Variants in GRIN3A observed in about 807,000 individuals in gnomAD.
GRIN3A encodes the protein glutamate ionotropic receptor NMDA type subunit 3A.
Under a neutral mutation model 92.4 loss-of-function variants are expected in GRIN3A, and 47 were observed. The ratio of observed to expected loss-of-function variants is 0.51; its 90% confidence interval spans 0.40 to 0.65. The LOEUF (loss-of-function observed/expected upper bound fraction) is 0.65, where lower values mean the gene tolerates loss of function less well. Ranked by LOEUF, GRIN3A falls within the 30% of genes least tolerant of loss-of-function variation. The probability of loss-of-function intolerance (pLI) is 0.00; values close to 1 mark genes in which losing one functional copy is unlikely to be tolerated. For missense variants in GRIN3A, 1,324 were observed against 1,393.1 expected, an observed-to-expected ratio of 0.95 and a Z score of 0.79; for synonymous variants, 527 against 540.6, an observed-to-expected ratio of 0.97 and a Z score of 0.35.
At chr9:101,708,094 A>T (rs1363005469) in intron 1 of GRIN3A, among the ~76,000 whole-genome samples, 5 of 152,208 alleles carry the variant, frequency 3.3e-5, no homozygotes, top group African/African-American at 1.2e-4. Context: ...GAATGAGAAC[A>T]ATGCTACAAT....
At chr9:101,655,765 GA>G (rs1167985650) in intron 3 of GRIN3A, among the ~76,000 whole-genome samples, 1 of 151,964 alleles carries the variant, frequency 6.6e-6, no homozygotes, top group Non-Finnish European at 1.5e-5. Context: ...GGGAGGCAAT[GA>G]AGGACTTTAC....
At chr9:101,641,931 A>T (rs1288752783) in intron 3 of GRIN3A, among the ~76,000 whole-genome samples, 1 of 152,194 alleles carries the variant, frequency 6.6e-6, no homozygotes, top group Non-Finnish European at 1.5e-5. Flanking sequence ...TGATTGTTTG[A>T]TAATCATCAT....
At chr9:101,734,736 G>T (rs967712912) in intron 1 of GRIN3A, among the ~76,000 whole-genome samples, 4 of 151,840 alleles carry the variant, frequency 2.6e-5, no homozygotes, top group Admixed American at 2.6e-4. Flanking sequence ...TAAAGTGAGA[G>T]AAAACAGCTG....
At position 101,571,609 on chromosome 9, in the gene GRIN3A, C is replaced by T. The variant is rs1218859583; in HGVS notation, c.*1565G>A. The T allele has an allele frequency of 6.6e-6, 1 of 152,190 alleles. No individual in the cohort carries two copies. The highest frequency in any genetic ancestry group is 2.4e-5 in the African/African-American group (1 of 41,420). 9.4% of individuals were successfully genotyped at this position (152,190 alleles called of 1,614,324 possible). On this transcript the variant is annotated 3_prime_UTR_variant, in exon 9 of 9. Coordinates refer to ENST00000361820, the MANE Select transcript of GRIN3A (RefSeq NM_133445.3). ...GGGGGTGAGGATGTTGAAGGAGAGT[C>T]AGCAGATGTGTGCTAAAATTATTAA...
intron 2 of GRIN3A, 149 bp downstream of exon 2, chr9:101,686,447 T>C: frequency 1.1e-6 from 1 of 891,306 alleles, no homozygotes. Flanking sequence ...CATGAAATAC[T>C]AGCCTATATA....
chr9:101,683,486 G>C (rs926142301), intron 2 of GRIN3A, among the ~76,000 whole-genome samples: 1 of 152,126 alleles, frequency 6.6e-6, no homozygotes, highest in African/African-American at 2.4e-5. Context: ...AAGGATGATG[G>C]AAAATCCACA....
intron 3 of GRIN3A, among the ~76,000 whole-genome samples, chr9:101,637,328 C>T (rs1240264264): frequency 6.6e-6 from 1 of 152,132 alleles, no homozygotes; most frequent in Non-Finnish European, 1.5e-5. Context: ...CTCCTGACCT[C>T]GTGATCCACC....
intron 6 of GRIN3A, chr9:101,591,719 G>A (rs1828029079): frequency 6.6e-6 from 1 of 152,140 alleles, no homozygotes; most frequent in Non-Finnish European, 1.5e-5. Context: ...TTCCGATTTG[G>A]GAATAAATGT....
At chr9:101,597,780 T>C (rs1416061337) in intron 6 of GRIN3A, among the ~76,000 whole-genome samples, 1 of 152,224 alleles carries the variant, frequency 6.6e-6, no homozygotes, top group Non-Finnish European at 1.5e-5. Flanking sequence ...GTTTATAAAG[T>C]TGTAAAAAGT....
intron 3 of GRIN3A, among the ~76,000 whole-genome samples, chr9:101,665,344 C>G (rs180743781): frequency 6.6e-6 from 1 of 151,578 alleles, no homozygotes; most frequent in African/African-American, 2.4e-5. Context: ...CTCAAGATAA[C>G]CAAAGAAGAG....
At position 101,623,351 on chromosome 9, in the gene GRIN3A, G is replaced by C; in HGVS notation, c.2581C>G (p.Leu861Val). 1.2e-6 allele frequency: 2 copies of C among 1,613,394 alleles called. No individual in the cohort carries two copies. The highest frequency in any genetic ancestry group is 1.7e-6 in the Non-Finnish European group (2 of 1,179,300). The change falls in exon 5 of 9, where the codon CTT becomes GTT. Residue 861 changes from leucine to valine, a missense_variant. Coordinates refer to ENST00000361820, the MANE Select transcript of GRIN3A (RefSeq NM_133445.3). ...GCAAATGGCTTCCCCACAGTGAGAA[G>C]TTTGCAGTCAGCATCTATTGACACT... ...YEVSIDADCK[L>V]LTVGKPFAIE...
intron 5 of GRIN3A, among the ~76,000 whole-genome samples, chr9:101,615,986 G>A (rs919063535): frequency 6.6e-6 from 1 of 152,136 alleles, no homozygotes; most frequent in African/African-American, 2.4e-5. Context: ...CAGTTGTAAT[G>A]AAATAATAAT....
intron 2 of GRIN3A, among the ~76,000 whole-genome samples, chr9:101,683,002 A>G (rs1408018787): frequency 2.6e-5 from 4 of 152,198 alleles, no homozygotes; most frequent in Non-Finnish European, 4.4e-5. Flanking sequence ...ACAAAACAAA[A>G]CAAAACTTGT....
rs568166157 is a variant in GRIN3A, at chr9:101,630,845, T to C, written c.2353-2444A>G. ...CTGTAACTTGCAGACCAACTTTCAT[T>C]TGTTTGTGTAATACAGTTACCTATC... On this transcript the variant is annotated intron_variant, in intron 3 of 8. Coordinates refer to ENST00000361820, the MANE Select transcript of GRIN3A (RefSeq NM_133445.3). Among the ~76,000 whole-genome samples, 14 of 152,334 alleles carry C rather than the reference T, an allele frequency of 9.2e-5. No homozygotes were observed. In the South Asian group the frequency reaches 2.9e-3, roughly 32 times the overall value.
In GRIN3A at chr9:101,569,535, A is replaced by T. The variant is rs1473643994; in HGVS notation, c.*3639T>A. ...GGAGCGGAGCGATTGCAAACACATT[A>T]AAATGAAGACACAATGCAAATACTC... On this transcript the variant is annotated 3_prime_UTR_variant, in exon 9 of 9. Coordinates refer to ENST00000361820, the MANE Select transcript of GRIN3A (RefSeq NM_133445.3). The T allele has an allele frequency of 6.6e-6, 1 of 152,210 alleles. No individual in the cohort carries two copies. The highest frequency in any genetic ancestry group is 1.5e-5 in the Non-Finnish European group (1 of 68,038). The allele number at this position is 152,210 out of a possible 1,614,324, so 9.4% of individuals were successfully genotyped here.
At chr9:101,625,482 C>A (rs912300392) in intron 4 of GRIN3A, among the ~76,000 whole-genome samples, 1 of 152,194 alleles carries the variant, frequency 6.6e-6, no homozygotes, top group African/African-American at 2.4e-5. Context: ...CATGTATAGA[C>A]ACATAGTTGG....
At chr9:101,657,589 C>T (rs1829106472) in intron 3 of GRIN3A, among the ~76,000 whole-genome samples, 1 of 151,862 alleles carries the variant, frequency 6.6e-6, no homozygotes, top group Admixed American at 6.6e-5. Context: ...TAATTGTCAC[C>T]ATAGTTCATA....
chr9:101,729,812 A>G (rs1222810107), intron 1 of GRIN3A, among the ~76,000 whole-genome samples: 1 of 152,144 alleles, frequency 6.6e-6, no homozygotes, highest in Non-Finnish European at 1.5e-5. Flanking sequence ...CTTAGATGGA[A>G]GATCAAGATT....
intron 6 of GRIN3A, among the ~76,000 whole-genome samples, chr9:101,580,029 C>G (rs1827869277): frequency 6.6e-6 from 1 of 152,148 alleles, no homozygotes; most frequent in Non-Finnish European, 1.5e-5. Flanking sequence ...TCGGGTCATG[C>G]TAACACCACC....
Sources: gnomAD v4.1 joint callset for allele counts (sites outside exome capture counted in the v4.1 genomes callset) on GRCh38, gnomAD v4.1.1 for gene constraint, MANE v1.5 for transcripts, NCBI Gene and HGNC (gene_info 2026-07-23, HGNC 2026-07-21) for gene names.